The following DIS3 variants were observed in gnomAD, a reference collection of about 807,000 sequenced individuals.
DIS3 encodes the protein DIS3 exosome endoribonuclease and 3'-5' exoribonuclease, also known as exosome complex exonuclease RRP44.
DIS3 carries 103 observed loss-of-function variants against 113.0 expected under a neutral mutation model. The ratio of observed to expected loss-of-function variants is 0.91; its 90% CI spans 0.78 to 1.07. The LOEUF (loss-of-function observed/expected upper bound fraction) is 1.07. Among genes scored for constraint, DIS3 ranks in the 50% least tolerant of loss-of-function variants. The probability of loss-of-function intolerance (pLI) is 0.00; values close to 1 mark genes in which losing one functional copy is unlikely to be tolerated. For synonymous variants in DIS3, 402 were observed against 394.3 expected, an observed-to-expected ratio of 1.02 and a Z score of -0.23; for missense variants, 1,121 against 1,167.1, an observed-to-expected ratio of 0.96 and a Z score of 0.58.
Position 72,781,893 on chromosome 13 carries a change from T to C in DIS3, c.-61A>G. The C allele has an allele frequency of 1.4e-6, 2 of 1,416,786 alleles. No individual in the cohort carries two copies. Among genetic ancestry groups the C allele is most frequent in the South Asian group, 2.8e-5 (2 of 71,814 alleles). The allele number at this position is 1,416,786 out of a possible 1,614,324, so 87.8% of individuals were successfully genotyped here. A position where few individuals can be genotyped will look rare whatever the true frequency, so the allele number is the denominator to read the frequency against. On this transcript the variant is annotated 5_prime_UTR_variant, in exon 1 of 21. Coordinates refer to ENST00000377767, the MANE Select transcript of DIS3 (RefSeq NM_014953.5). ...GCTCTTCCAGCAAAAGGCGTCAATC[T>C]AGAATACGCCTAACCCCGGAGGTTC...
chr13:72,771,747 A>T, intron 11 of DIS3, 48 bp downstream of exon 11: 1 of 1,563,378 alleles, frequency 6.4e-7, no homozygotes, highest in Non-Finnish European at 8.7e-7. Flanking sequence ...CCGTTTAAGA[A>T]TCCTTAAGTG....
chr13:72,767,675 A>C (rs2033784643), intron 14 of DIS3, among the ~76,000 whole-genome samples: 1 of 152,246 alleles, frequency 6.6e-6, no homozygotes. Flanking sequence ...GTCATTAGTC[A>C]CATGTGGCTA....
intron 4 of DIS3, among the ~76,000 whole-genome samples, chr13:72,776,878 C>A (rs1460929490): frequency 1.3e-5 from 2 of 152,164 alleles, no homozygotes; most frequent in Non-Finnish European, 2.9e-5. Context: ...CAAACAAATA[C>A]CATTTCCAAT....
At position 72,771,145 on chromosome 13, in the gene DIS3, T is replaced by C; in HGVS notation, c.1606A>G (p.Arg536Gly). The C allele has an allele frequency of 6.2e-7, 1 of 1,612,560 alleles. No individual in the cohort carries two copies. The highest frequency in any genetic ancestry group is 8.5e-7 in the Non-Finnish European group (1 of 1,179,140). ...RGTTVYLCEK[R>G]IDMVPELLSS... ...AGCAACTCTGGAACCATGTCAATCC[T>C]CTGCAAAAGATAAAAATAGAACCAC... The change falls in exon 12 of 21, where the codon AGG (arginine) becomes GGG (glycine). Residue 536 changes from arginine (R) to glycine (G), a missense_variant and splice_region_variant. This residue lies in a region of DIS3 where 861 missense variants were observed against 915.5 expected (regional missense o/e 0.94). Transcript: ENST00000377767.
chr13:72,762,470 C>A (rs1387490297), intron 16 of DIS3, among the ~76,000 whole-genome samples: 1 of 152,164 alleles, frequency 6.6e-6, no homozygotes, highest in Non-Finnish European at 1.5e-5. Flanking sequence ...GAGTGAGAAG[C>A]TGATTCAATT....
Position 72,781,833 on chromosome 13 carries a change from C to G in DIS3, c.-1G>C. On this transcript the variant is annotated 5_prime_UTR_variant, in exon 1 of 21. Coordinates refer to ENST00000377767, the MANE Select transcript of DIS3 (RefSeq NM_014953.5). ...TTAAGAACGTCTTGGACTTGAGCAT[C>G]TTGCCTCGCCGCGCAGAATCCTAAC... 1 of 1,577,120 alleles carries G rather than the reference C, an allele frequency of 6.3e-7. No homozygotes were observed. Among genetic ancestry groups the G allele is most frequent in the South Asian group, 1.1e-5 (1 of 87,244 alleles).
intron 15 of DIS3, among the ~76,000 whole-genome samples, chr13:72,765,371 CCCTACTATCTAT>C (rs1340436900): frequency 6.6e-6 from 1 of 152,140 alleles, no homozygotes; most frequent in African/African-American, 2.4e-5. Flanking sequence ...CATTATTCTA[CCCTACTATCTAT>C]CCTACTATCT....
intron 10 of DIS3, 114 bp downstream of exon 10, chr13:72,772,045 A>C (rs1176285552): frequency 8.4e-7 from 1 of 1,194,124 alleles, no homozygotes; most frequent in Non-Finnish European, 1.2e-6. Context: ...AATAGCGTGC[A>C]GCTACAATTA....
chr13:72,760,099 T>C (rs1481614587), intron 20 of DIS3, among the ~76,000 whole-genome samples: 1 of 152,182 alleles, frequency 6.6e-6, no homozygotes, highest in Non-Finnish European at 1.5e-5. Flanking sequence ...GTGAGAAGCA[T>C]GTCATTTAGG....
At chr13:72,779,766 GTGGT>G (rs2034109155) in intron 2 of DIS3, among the ~76,000 whole-genome samples, 1 of 149,434 alleles carries the variant, frequency 6.7e-6, no homozygotes, top group African/African-American at 2.5e-5. Context: ...GGTGGTGGTG[GTGGT>G]GGGGGGGGTA....
chr13:72,755,202 T>C lies in DIS3; in HGVS notation c.*4593A>G. Reference sequence around the variant, plus strand: ...GATGAAAACAGCAAGCCCTTTTCAATGCAGCAGTCCATAGAATGCCTCTGT... The same window carrying C: ...GATGAAAACAGCAAGCCCTTTTCAACGCAGCAGTCCATAGAATGCCTCTGT... On this transcript the variant is annotated 3_prime_UTR_variant, in exon 21 of 21. Coordinates refer to ENST00000377767, the MANE Select transcript of DIS3 (RefSeq NM_014953.5). The C allele has an allele frequency of 2.5e-6, 4 of 1,613,342 alleles. No homozygotes were observed. Among genetic ancestry groups the C allele is most frequent in the Non-Finnish European group, 3.4e-6 (4 of 1,179,442 alleles).
In DIS3 at chr13:72,759,550, T is replaced by C. The variant is rs1427493902; in HGVS notation, c.*245A>G. ...ACAGATCCCTGAAGTTGCTGTCCTG[T>C]CACTGTATTTAAGTGATGGATATTC... On this transcript the variant is annotated 3_prime_UTR_variant, in exon 21 of 21. Transcript: ENST00000377767. The C allele has an allele frequency of 1.3e-5, 5 of 370,508 alleles. No homozygotes were observed. The highest frequency in any genetic ancestry group is 2.4e-5 in the Non-Finnish European group (5 of 205,072). The allele number at this position is 370,508 out of a possible 1,614,324, so 23.0% of individuals were successfully genotyped here. A position where few individuals can be genotyped will look rare whatever the true frequency, so the allele number is the denominator to read the frequency against.
intron 10 of DIS3, 91 bp from the exon 11 acceptor site, chr13:72,771,987 TAA>T: frequency 1.4e-6 from 2 of 1,417,538 alleles, no homozygotes; most frequent in East Asian, 2.3e-5. Context: ...TAGCTAAATT[TAA>T]AAAAGACTCA....
Position 72,753,729 on chromosome 13 carries a change from A to G in DIS3, c.*6066T>C, listed in dbSNP as rs750445339. Reference sequence around the variant, plus strand: ...TAATACGCAGAATTGTGGAAGCAATATTATGGATACAGTTGGGGCAGAAAG... The same window carrying G: ...TAATACGCAGAATTGTGGAAGCAATGTTATGGATACAGTTGGGGCAGAAAG... On this transcript the variant is annotated 3_prime_UTR_variant, in exon 21 of 21. Coordinates refer to ENST00000377767, the MANE Select transcript of DIS3 (RefSeq NM_014953.5). 2 of 1,613,628 alleles carry G rather than the reference A, an allele frequency of 1.2e-6. No homozygotes were observed. Among genetic ancestry groups the G allele is most frequent in the East Asian group, 4.5e-5 (2 of 44,794 alleles).
Position 72,773,927 on chromosome 13 carries a change from G to A in DIS3, c.1101+19C>T. ...ATGTTTATCATTTTTTTATTACATA[G>A]TAAATGCTCTTTACTCACCTCCTTA... On this transcript the variant is annotated intron_variant, in intron 7 of 20. Coordinates refer to ENST00000377767, the MANE Select transcript of DIS3 (RefSeq NM_014953.5). The A allele has an allele frequency of 6.3e-7, 1 of 1,592,146 alleles. No homozygotes were observed. The highest frequency in any genetic ancestry group is 1.7e-4 in the Middle Eastern group (1 of 5,924).
intron 2 of DIS3, 54 bp downstream of exon 2, chr13:72,780,792 C>T (rs1047176770): frequency 3.3e-6 from 5 of 1,516,576 alleles, no homozygotes; most frequent in Non-Finnish European, 4.4e-6. Flanking sequence ...GAACCCTCTC[C>T]CGAATTTTGC....
At chr13:72,776,551 T>C (rs1415804138) in intron 4 of DIS3, among the ~76,000 whole-genome samples, 2 of 152,202 alleles carry the variant, frequency 1.3e-5, no homozygotes, top group Non-Finnish European at 1.5e-5. Flanking sequence ...TTATGTATAA[T>C]GTCCTATCAC....
intron 15 of DIS3, 62 bp from the exon 16 acceptor site, chr13:72,763,669 T>C: frequency 6.7e-7 from 1 of 1,487,242 alleles, no homozygotes; most frequent in Non-Finnish European, 9.0e-7. Flanking sequence ...ATATATCATA[T>C]TTTTTCACAG....
chr13:72,770,879 A>T (rs777425416), intron 13 of DIS3, 25 bp downstream of exon 13: 4 of 1,504,958 alleles, frequency 2.7e-6, no homozygotes, highest in Non-Finnish European at 2.7e-6. Context: ...TTTAAAAATT[A>T]GAGATTAATA....
Sources: gnomAD v4.1 joint callset for allele counts (sites outside exome capture counted in the v4.1 genomes callset) on GRCh38, gnomAD v4.1.1 for gene constraint, gnomAD v4.1.1 regional missense constraint, MANE v1.5 for transcripts, NCBI Gene and HGNC (gene_info 2026-07-23, HGNC 2026-07-21) for gene names.